Variants in PREX1 observed in about 807,000 individuals in gnomAD.
PREX1 encodes the protein phosphatidylinositol-3,4,5-trisphosphate dependent Rac exchange factor 1.
A neutral mutation model predicts 198.3 loss-of-function variants in PREX1; 41 were observed. The observed-to-expected ratio is 0.21, with a 90% CI of 0.16 to 0.27. The LOEUF (loss-of-function observed/expected upper bound fraction) is 0.27, where lower values mean the gene tolerates loss of function less well. Among genes scored for constraint, PREX1 ranks in the 10% least tolerant of loss-of-function variants. The pLI is 1.00. For synonymous variants in PREX1, 843 were observed against 887.2 expected (o/e 0.95, Z 0.89); for missense variants, 1,620 against 2,200.7 (o/e 0.74, Z 5.28).
intron 25 of PREX1, among the ~76,000 whole-genome samples, chr20:48,647,872 C>A (rs1256736325): frequency 6.6e-6 from 1 of 152,136 alleles, no homozygotes; most frequent in Non-Finnish European, 1.5e-5. Context: ...CACCTTGTTT[C>A]CCCCATGATC....
Position 48,689,309 on chromosome 20 carries a change from T to A in PREX1, c.1187-505A>T, listed in dbSNP as rs562294744. The stretch of plus-strand genomic sequence containing the variant: ...CCCATCTAATTTTGACAACAGCAAA[T>A]GCTTTTATAGCACCTACTACATGCC... On this transcript the variant is annotated intron_variant, in intron 9 of 39. Transcript: ENST00000371941. 2.6e-5 allele frequency among the ~76,000 whole-genome samples: 4 copies of A among 152,290 alleles called. No individual in the cohort carries two copies. In the South Asian group the frequency reaches 8.3e-4, roughly 32 times the overall value.
At chr20:48,672,270 TTC>T (rs968584828) in intron 14 of PREX1, among the ~76,000 whole-genome samples, 24 of 152,222 alleles carry the variant, frequency 1.6e-4, no homozygotes, top group African/African-American at 5.5e-4. Context: ...CTCTGCTCCT[TTC>T]TGTCTCTCAC....
chr20:48,703,581 T>G (rs1451601640), intron 6 of PREX1, among the ~76,000 whole-genome samples: 1 of 152,228 alleles, frequency 6.6e-6, no homozygotes, highest in Non-Finnish European at 1.5e-5. Context: ...CCTTTTGCCT[T>G]GGCTCCCTTA....
intron 1 of PREX1, among the ~76,000 whole-genome samples, chr20:48,816,125 G>A: frequency 6.6e-6 from 1 of 151,800 alleles, no homozygotes; most frequent in African/African-American, 2.4e-5. Context: ...TCATAATACA[G>A]CCCACCTGCC....
chr20:48,714,160 T>C (rs1487105143), intron 5 of PREX1, among the ~76,000 whole-genome samples: 2 of 152,174 alleles, frequency 1.3e-5, no homozygotes, highest in Non-Finnish European at 2.9e-5. Context: ...GTAAACCCCT[T>C]GTGACCTTAA....
intron 16 of PREX1, among the ~76,000 whole-genome samples, chr20:48,658,583 A>C (rs1408574874): frequency 6.6e-6 from 1 of 152,244 alleles, no homozygotes; most frequent in Non-Finnish European, 1.5e-5. Flanking sequence ...TCATTCAGTC[A>C]ACAGACATTG....
chr20:48,809,488 A>T (rs2090425444), intron 1 of PREX1, among the ~76,000 whole-genome samples: 1 of 152,166 alleles, frequency 6.6e-6, no homozygotes, highest in Non-Finnish European at 1.5e-5. Flanking sequence ...AGGGAAACAG[A>T]GAGAAATTCC....
intron 7 of PREX1, among the ~76,000 whole-genome samples, chr20:48,697,787 G>A (rs937985252): frequency 2.0e-5 from 3 of 152,156 alleles, no homozygotes; most frequent in African/African-American, 7.2e-5. Context: ...TTCCCCTTCT[G>A]GAGGATGGGA....
chr20:48,828,210 G>A (rs1600540327), upstream of PREX1, among the ~76,000 whole-genome samples: 1 of 151,182 alleles, frequency 6.6e-6, no homozygotes, highest in African/African-American at 2.4e-5. Flanking sequence ...CGCCTCCGTC[G>A]GAAGCTCGGG....
chr20:48,664,849 C>G (rs1199690468), intron 15 of PREX1, among the ~76,000 whole-genome samples: 1 of 145,810 alleles, frequency 6.9e-6, no homozygotes, highest in Non-Finnish European at 1.5e-5. Flanking sequence ...AATCCCGGCT[C>G]CAGACGGCCT....
Position 48,726,406 on chromosome 20 carries a change from G to A in PREX1, c.520-15C>T. ...AGCATGCAGCTCTGCAAAGGGACAG[G>A]AGACCTTCATGAAACCCACCAAGGA... On this transcript the variant is annotated splice_polypyrimidine_tract_variant and intron_variant, in intron 4 of 39. Coordinates refer to ENST00000371941, the MANE Select transcript of PREX1 (RefSeq NM_020820.4). 1 of 1,602,712 alleles carries A rather than the reference G, an allele frequency of 6.2e-7. No homozygotes were observed. Among genetic ancestry groups the A allele is most frequent in the South Asian group, 1.1e-5 (1 of 89,736 alleles).
chr20:48,638,242 C>T (rs2089381251), intron 30 of PREX1, among the ~76,000 whole-genome samples: 2 of 152,132 alleles, frequency 1.3e-5, no homozygotes, highest in African/African-American at 4.8e-5. Context: ...CACACAAGTG[C>T]ACACCACACA....
At chr20:48,652,915 C>A (rs150563058) in intron 20 of PREX1, among the ~76,000 whole-genome samples, 11 of 152,316 alleles carry the variant, frequency 7.2e-5, no homozygotes, top group Non-Finnish European at 1.3e-4. Context: ...GCAGACACGT[C>A]TCTCCTGTGT....
chr20:48,693,808 C>T (rs149084791), intron 7 of PREX1, among the ~76,000 whole-genome samples: 2 of 151,910 alleles, frequency 1.3e-5, no homozygotes, highest in East Asian at 3.9e-4. Flanking sequence ...CAGGGTTTCA[C>T]TGTGTTAGCC....
At chr20:48,700,508 A>G (rs549493375) in intron 7 of PREX1, among the ~76,000 whole-genome samples, 5 of 152,188 alleles carry the variant, frequency 3.3e-5, no homozygotes, top group South Asian at 2.1e-4. Context: ...TTGGGGATCT[A>G]TTAGGTTAAC....
chr20:48,862,807 A>ATATATATATATATATGTGTGTG, the PREX1 span, among the ~76,000 whole-genome samples: 240 of 126,358 alleles, frequency 1.9e-3, no homozygotes, highest in Middle Eastern at 3.8e-3. Flanking sequence ...ATATATATAT[A>ATATATATATATATATGTGTGTG]TATATACTAA....
At chr20:48,728,526 C>T (rs1601100233) in intron 4 of PREX1, among the ~76,000 whole-genome samples, 1 of 152,228 alleles carries the variant, frequency 6.6e-6, no homozygotes, top group African/African-American at 2.4e-5. Flanking sequence ...CCAGTGTTTA[C>T]CCCTGGCACA....
rs6125436 is a variant in PREX1 at position 48,695,478 on chromosome 20, G to C, written c.918-2688C>G. ...GAGTGATAAGGAATGTGAATGATTA[G>C]CTTTAGGAGATACTGCCAAGCTGTT... On this transcript the variant is annotated intron_variant, in intron 7 of 39. Transcript: ENST00000371941. 1.7e-3 allele frequency among the ~76,000 whole-genome samples: 260 copies of C among 152,328 alleles called. 1 individual carries two copies. The highest frequency in any genetic ancestry group is 5.9e-3 in the African/African-American group (247 of 41,576).
At position 48,650,904 on chromosome 20, in the gene PREX1, C is replaced by T. The variant is rs1248471556; in HGVS notation, c.2807G>A (p.Cys936Tyr). The stretch of plus-strand genomic sequence containing the variant: ...GGAGCACGCAGGCACCTCCTGGTAG[C>T]AGGCAATCCTCTGGCCAATGCTCTC... ...KLESIGQRIA[C>Y]YQEFAAQLKS... The change falls in exon 23 of 40, where the codon TGC becomes TAC. Residue 936 changes from cysteine to tyrosine, a missense_variant. Cys to Tyr is a radical substitution (Grantham distance 194). Transcript: ENST00000371941. The T allele has an allele frequency of 6.2e-7, 1 of 1,614,020 alleles. No individual in the cohort carries two copies. The highest frequency in any genetic ancestry group is 1.3e-5 in the African/African-American group (1 of 74,944).
Sources: allele counts gnomAD v4.1 joint callset (sites outside exome capture counted in the v4.1 genomes callset), GRCh38; gene constraint gnomAD v4.1.1; transcripts MANE v1.5; gene names NCBI Gene and HGNC (gene_info 2026-07-23, HGNC 2026-07-21).